Variants in OAS2 observed in about 807,000 individuals in gnomAD.
The protein encoded by OAS2 is 2'-5'-oligoadenylate synthetase 2.
In OAS2, 67 loss-of-function variants were observed where a neutral mutation model predicts 71.3. That is an observed-to-expected ratio of 0.94 (90% CI 0.77 to 1.15). The LOEUF (loss-of-function observed/expected upper bound fraction) is 1.15. Among genes scored for constraint, OAS2 ranks in the 50% most tolerant of loss-of-function variants. The pLI, the probability that OAS2 is intolerant of heterozygous loss-of-function variation, is 0.00. For missense variants in OAS2, 789 were observed against 822.5 expected (o/e 0.96, Z 0.50); for synonymous variants, 327 against 321.8 (o/e 1.02, Z -0.17).
rs1415708715 is a variant in OAS2 at position 113,011,665 on chromosome 12, T to A, written c.*2410T>A. On this transcript the variant is annotated 3_prime_UTR_variant, in exon 10 of 10. Coordinates refer to ENST00000392583, the MANE Select transcript of OAS2 (RefSeq NM_002535.3). ...TTCCAGTGCTTGCCACCCTACATAC[T>A]CTTTGTCTGGCTCTTCATTTGTATT... 2 of 152,206 alleles carry A rather than the reference T, an allele frequency of 1.3e-5. No individual in the cohort carries two copies. The highest frequency in any genetic ancestry group is 4.8e-5 in the African/African-American group (2 of 41,450). The allele number at this position is 152,206 out of a possible 1,614,324, so 9.4% of individuals were successfully genotyped here.
rs2136385900 is a variant in OAS2, at chr12:112,995,483, C to G, written c.627+9C>G. 6.2e-7 allele frequency: 1 copy of G among 1,609,304 alleles called. No individual in the cohort carries two copies. Among genetic ancestry groups the G allele is most frequent in the Non-Finnish European group, 8.5e-7 (1 of 1,177,564 alleles). On this transcript the variant is annotated intron_variant, in intron 3 of 9. Coordinates refer to ENST00000392583, the MANE Select transcript of OAS2 (RefSeq NM_002535.3). ...AGCACTGGCATCAACAGGTAATTTT[C>G]CAACTGTCTATATATGGTTATCATT... is the stretch of plus-strand genomic sequence containing the variant.
intron 1 of OAS2, among the ~76,000 whole-genome samples, chr12:112,979,625 T>G (rs1339806164): frequency 6.6e-6 from 1 of 152,190 alleles, no homozygotes; most frequent in African/African-American, 2.4e-5. Context: ...CAATTTTTTT[T>G]TCCTCATGGA....
At chr12:112,999,540 A>G (rs1206694559) in intron 5 of OAS2, among the ~76,000 whole-genome samples, 2 of 152,194 alleles carry the variant, frequency 1.3e-5, no homozygotes, top group African/African-American at 2.4e-5. Flanking sequence ...GTAAATGAAG[A>G]TGTAAATGAG....
At chr12:113,007,189 G>A (rs986062158) in intron 8 of OAS2, among the ~76,000 whole-genome samples, 11 of 152,182 alleles carry the variant, frequency 7.2e-5, no homozygotes, top group Admixed American at 2.6e-4. Context: ...CATCAAGCAC[G>A]ATATCAGCTC....
In OAS2 at chr12:112,997,552, G is replaced by T. The variant is rs147791836; in HGVS notation, c.660G>T (p.Leu220=). The T allele has an allele frequency of 1.2e-6, 2 of 1,614,006 alleles. No homozygotes were observed. Among genetic ancestry groups the T allele is most frequent in the South Asian group, 2.2e-5 (2 of 91,056 alleles). ...AAAAAATCAAGGATTTACCCTCGCT[G>T]TCTCCGTATGCCCTGGAGCTGCTTA... ...CQKKIKDLPS[L]SPYALELLTV... The change falls in exon 4 of 10, where the codon CTG becomes CTT. Residue 220 remains leucine (L), a synonymous_variant. Transcript: ENST00000392583.
chr12:112,983,959 A>G (rs1156657217), intron 1 of OAS2, among the ~76,000 whole-genome samples: 1 of 152,256 alleles, frequency 6.6e-6, no homozygotes, highest in Admixed American at 6.5e-5. Flanking sequence ...AATATTCATT[A>G]GGTCCATTTG....
chr12:112,998,469 C>A, intron 5 of OAS2, 59 bp downstream of exon 5: 1 of 1,560,754 alleles, frequency 6.4e-7, no homozygotes, highest in South Asian at 1.2e-5. Flanking sequence ...TCCTGACACC[C>A]AGGCTAGGTC....
chr12:112,997,901 C>A, intron 4 of OAS2, 146 bp downstream of exon 4: 1 of 682,804 alleles, frequency 1.5e-6, no homozygotes, highest in African/African-American at 1.8e-5. Flanking sequence ...GCAGATGGGT[C>A]TGTCTGAAAG....
intron 1 of OAS2, among the ~76,000 whole-genome samples, chr12:112,986,076 T>G (rs1239929031): frequency 1.3e-5 from 2 of 152,244 alleles, no homozygotes; most frequent in Admixed American, 1.3e-4. Flanking sequence ...TGGGCACAGT[T>G]AGTGGAGCCT....
intron 7 of OAS2, among the ~76,000 whole-genome samples, chr12:113,006,048 C>T (rs2044332382): frequency 6.7e-6 from 1 of 150,328 alleles, no homozygotes; most frequent in Non-Finnish European, 1.5e-5. Flanking sequence ...TGAAAATGTT[C>T]TATGTCTGGG....
chr12:112,989,894 C>G (rs929935570), intron 2 of OAS2, among the ~76,000 whole-genome samples: 2 of 152,212 alleles, frequency 1.3e-5, no homozygotes, highest in African/African-American at 4.8e-5. Context: ...TCCTCACTCA[C>G]AGCCCATCAC....
At chr12:112,990,816 G>A (rs2044184825) in intron 2 of OAS2, among the ~76,000 whole-genome samples, 1 of 152,150 alleles carries the variant, frequency 6.6e-6, no homozygotes, top group Non-Finnish European at 1.5e-5. Flanking sequence ...GTTAGTGTTT[G>A]TCGATTGTGC....
chr12:112,978,551 G>C lies in OAS2; in HGVS notation c.-58G>C. On this transcript the variant is annotated 5_prime_UTR_variant, in exon 1 of 10. Transcript: ENST00000392583. This position sits in a 1 kb window ranked among gnomAD's most constrained non-coding sequence, Gnocchi z 4.2. ...GTTTCCTGGCTCTGGGCAGCAGCAA[G>C]AATTCCTCTGCCTCCCATCCTACCA... The C allele has an allele frequency of 6.3e-7, 1 of 1,586,488 alleles. No individual in the cohort carries two copies. Among genetic ancestry groups the C allele is most frequent in the Non-Finnish European group, 8.6e-7 (1 of 1,156,802 alleles).
chr12:112,996,016 G>A (rs1003272127), intron 3 of OAS2, among the ~76,000 whole-genome samples: 3 of 152,132 alleles, frequency 2.0e-5, no homozygotes, highest in Non-Finnish European at 2.9e-5. Context: ...TGCCCAGGCT[G>A]GTCTTGAACT....
rs1466235626 is a variant in OAS2 at position 113,002,959 on chromosome 12, C to T, written c.1036C>T (p.His346Tyr). ...TGCACCACTCTTCACGACCCCAGGC[C>T]ACCTTCTGGATAAGTTCATCAAGGA... ...LPAPLFTTPGHLLDKFIKEFL... is the reference protein window; with the variant it reads ...LPAPLFTTPGYLLDKFIKEFL... Residue 346 changes from histidine to tyrosine, a missense_variant, in exon 6 of 10, where the codon CAC (histidine) becomes TAC (tyrosine). Physicochemically the swap from His to Tyr is moderately conservative, Grantham distance 83. Transcript: ENST00000392583. The T allele has an allele frequency of 1.9e-6, 3 of 1,613,978 alleles. No individual in the cohort carries two copies. The highest frequency in any genetic ancestry group is 1.3e-5 in the African/African-American group (1 of 74,892).
Position 112,987,053 on chromosome 12 carries a change from C to G in OAS2, c.193C>G (p.Arg65Gly), listed in dbSNP as rs150169230. The G allele has an allele frequency of 8.1e-5, 131 of 1,610,888 alleles. No individual in the cohort carries two copies. Among genetic ancestry groups the G allele is most frequent in the Middle Eastern group, 1.6e-4 (1 of 6,074 alleles). Residue 65 changes from arginine (R) to glycine (G), a missense_variant, in exon 2 of 10, where the codon CGG becomes GGG. Physicochemically the swap from Arg to Gly is moderately radical, Grantham distance 125. Coordinates refer to ENST00000392583, the MANE Select transcript of OAS2 (RefSeq NM_002535.3). ...TCACTGGCAGGGTGGCTCCTATGGA[C>G]GGAAAACAGTCTTAAGAGGCAACTC... ...QGVAIGGSYGRKTVLRGNSDG... is the reference protein window; with the variant it reads ...QGVAIGGSYGGKTVLRGNSDG...
Position 113,005,157 on chromosome 12 carries a change from C to G in OAS2, c.1403C>G (p.Ser468Cys), listed in dbSNP as rs755897997. 6.2e-7 allele frequency: 1 copy of G among 1,614,118 alleles called. No homozygotes were observed. Among genetic ancestry groups the G allele is most frequent in the East Asian group, 2.2e-5 (1 of 44,870 alleles). ...AAGGCTCCCAGGGTGCTGAGCTTCTCTCTGAAATCCAAAGTCCTCAACGAA... is the reference window on the plus strand; with the variant it reads ...AAGGCTCCCAGGGTGCTGAGCTTCTGTCTGAAATCCAAAGTCCTCAACGAA... Reference protein sequence around the residue: ...KWKAPRVLSFSLKSKVLNESV... With the variant: ...KWKAPRVLSFCLKSKVLNESV... The change falls in exon 7 of 10, where the codon TCT becomes TGT. Residue 468 changes from serine (S) to cysteine (C), a missense_variant. Physicochemically the swap from Ser to Cys is moderately radical, Grantham distance 112 (BLOSUM62 -1). Coordinates refer to ENST00000392583, the MANE Select transcript of OAS2 (RefSeq NM_002535.3).
Position 113,006,464 on chromosome 12 carries a change from T to C in OAS2, c.1520T>C (p.Ile507Thr), listed in dbSNP as rs1281105137. Residue 507 changes from isoleucine to threonine, a missense_variant, in exon 8 of 10, where the codon ATT (isoleucine) becomes ACT (threonine). Physicochemically the swap from Ile to Thr is moderately conservative, Grantham distance 89. Coordinates refer to ENST00000392583, the MANE Select transcript of OAS2 (RefSeq NM_002535.3). ...AGCCCCGAGGTTTATGCAGGGCTCATTGATCTGTATAAATCCTCGGACCTC... is the reference window on the plus strand; with the variant it reads ...AGCCCCGAGGTTTATGCAGGGCTCACTGATCTGTATAAATCCTCGGACCTC... ...TPSPEVYAGLIDLYKSSDLPG... is the reference protein window; with the variant it reads ...TPSPEVYAGLTDLYKSSDLPG... 1.2e-6 allele frequency: 2 copies of C among 1,607,788 alleles called. No individual in the cohort carries two copies. The highest frequency in any genetic ancestry group is 1.1e-5 in the South Asian group (1 of 90,528).
intron 6 of OAS2, 144 bp downstream of exon 6, chr12:113,003,246 G>A: frequency 3.6e-6 from 3 of 822,022 alleles, no homozygotes; most frequent in South Asian, 3.3e-5. Flanking sequence ...AAGGGAACTA[G>A]GACACTAGTT....
Sources: allele counts gnomAD v4.1 joint callset (sites outside exome capture counted in the v4.1 genomes callset), GRCh38; gene constraint gnomAD v4.1.1; non-coding constraint Gnocchi (gnomAD v3.1); transcripts MANE v1.5; gene names NCBI Gene and HGNC (gene_info 2026-07-23, HGNC 2026-07-21).